The following ASAP2 variants were observed in gnomAD, a reference collection of about 807,000 sequenced individuals.
ASAP2 encodes the protein ArfGAP with SH3 domain, ankyrin repeat and PH domain 2.
Under a neutral mutation model 131.4 loss-of-function variants are expected in ASAP2, and 45 were observed. That is an observed-to-expected ratio of 0.34 (90% CI 0.27 to 0.44). ASAP2 has a LOEUF of 0.44. ASAP2 is among the 20% of genes least tolerant of loss of function. The probability of loss-of-function intolerance (pLI) is 1.00; values close to 1 mark genes in which losing one functional copy is unlikely to be tolerated. For missense variants in ASAP2, 1,011 were observed against 1,297.0 expected, an observed-to-expected ratio of 0.78 and a Z score of 3.39; for synonymous variants, 510 against 503.0, an observed-to-expected ratio of 1.01 and a Z score of -0.19.
intron 1 of ASAP2, among the ~76,000 whole-genome samples, chr2:9,234,670 C>T (rs1241078808): frequency 3.3e-5 from 5 of 152,040 alleles, no homozygotes; most frequent in Non-Finnish European, 5.9e-5. Context: ...GTAGGTAGAG[C>T]CAAGGTGAAG....
Position 9,387,515 on chromosome 2 carries a change from T to C in ASAP2, c.2131-779T>C, listed in dbSNP as rs538800238. On this transcript the variant is annotated intron_variant, in intron 21 of 27. Transcript: ENST00000281419. ...TGTTCATATGGGAGGAAAACATCGA[T>C]CTCTGCTGAATGAGCCATATAGCTG... Among the ~76,000 whole-genome samples, 106 of 152,242 alleles carry C rather than the reference T, an allele frequency of 7.0e-4. 2 individuals carry two copies. Among genetic ancestry groups the C allele is most frequent in the South Asian group, 4.6e-3 (22 of 4,818 alleles).
chr2:9,380,822 C>A lies in ASAP2; in HGVS notation c.2016+14C>A, dbSNP rs1451939769. The A allele has an allele frequency of 1.2e-6, 2 of 1,613,396 alleles. No individual in the cohort carries two copies. Among genetic ancestry groups the A allele is most frequent in the Middle Eastern group, 1.7e-4 (1 of 6,058 alleles). ...TGTGAGGAGCTGGTGAGTCTCCCAC[C>A]ACAAGGACGGGGTGGGGCACCTGTC... On this transcript the variant is annotated intron_variant, in intron 20 of 27. Coordinates refer to ENST00000281419, the MANE Select transcript of ASAP2 (RefSeq NM_003887.3).
intron 3 of ASAP2, among the ~76,000 whole-genome samples, chr2:9,308,337 T>G (rs1162128502): frequency 1.3e-5 from 2 of 152,036 alleles, no homozygotes; most frequent in Non-Finnish European, 2.9e-5. Context: ...ACTTTTAAAC[T>G]CACTTGCTAC....
chr2:9,390,938 A>C, intron 22 of ASAP2, 124 bp from the exon 23 acceptor site: 1 of 1,436,386 alleles, frequency 7.0e-7, no homozygotes, highest in Non-Finnish European at 9.6e-7. Flanking sequence ...TTCTAGGTAG[A>C]AGGGTCATAC....
chr2:9,250,027 T>TA (rs1664600974), intron 1 of ASAP2, among the ~76,000 whole-genome samples: 1 of 152,226 alleles, frequency 6.6e-6, no homozygotes, highest in Non-Finnish European at 1.5e-5. Flanking sequence ...TCCATTTTCT[T>TA]ACTTGGAATA....
chr2:9,323,071 T>TGAGTTCTGTGCCAACAGGCATC lies in ASAP2; in HGVS notation c.471-49_471-28dup, dbSNP rs751921173. ...TGGGGTGGCTTCAAGGCTGTCCCGT[T>TGAGTTCTGTGCCAACAGGCATC]GAGTTCTGTGCCAACAGGCATCTTG... On this transcript the variant is annotated intron_variant, in intron 5 of 27. Coordinates refer to ENST00000281419, the MANE Select transcript of ASAP2 (RefSeq NM_003887.3). 5.0e-6 allele frequency: 8 copies of TGAGTTCTGTGCCAACAGGCATC among 1,611,306 alleles called. No individual in the cohort carries two copies. The Admixed American group carries it at 5.0e-5, about 10-fold the overall frequency.
At chr2:9,367,370 C>T (rs779849719) in intron 15 of ASAP2, among the ~76,000 whole-genome samples, 3 of 152,096 alleles carry the variant, frequency 2.0e-5, no homozygotes, top group African/African-American at 2.4e-5. Flanking sequence ...ATATCACAAG[C>T]GTCACTGACT....
chr2:9,295,815 C>T (rs951778781), intron 2 of ASAP2, among the ~76,000 whole-genome samples: 1 of 152,126 alleles, frequency 6.6e-6, no homozygotes, highest in Non-Finnish European at 1.5e-5. Flanking sequence ...CTGCTAGATC[C>T]CCATTAGAAC....
At chr2:9,262,405 T>C (rs1297466894) in intron 1 of ASAP2, among the ~76,000 whole-genome samples, 1 of 152,188 alleles carries the variant, frequency 6.6e-6, no homozygotes, top group Non-Finnish European at 1.5e-5. Flanking sequence ...CTATTAGATA[T>C]TGAGTGCTGA....
At chr2:9,294,495 A>C (rs1322140643) in intron 2 of ASAP2, among the ~76,000 whole-genome samples, 1 of 152,102 alleles carries the variant, frequency 6.6e-6, no homozygotes, top group Non-Finnish European at 1.5e-5. Flanking sequence ...GTGGTCCATA[A>C]AGTGCACCGA....
chr2:9,386,922 C>T (rs1572610931), intron 21 of ASAP2, among the ~76,000 whole-genome samples: 1 of 152,262 alleles, frequency 6.6e-6, no homozygotes, highest in African/African-American at 2.4e-5. Context: ...AGCACATGAC[C>T]GGCCGAGCGC....
chr2:9,320,358 A>G, intron 5 of ASAP2, 21 bp downstream of exon 5: 1 of 1,595,110 alleles, frequency 6.3e-7, no homozygotes, highest in Non-Finnish European at 8.6e-7. Context: ...TCGTTTTTAA[A>G]TTTACGTATA....
At chr2:9,375,095 C>A (rs1472492619) in intron 17 of ASAP2, 151 bp downstream of exon 17, 2 of 460,778 alleles carry the variant, frequency 4.3e-6, no homozygotes, top group African/African-American at 4.4e-5. Context: ...CATAGGGAGG[C>A]CCCATCTCTA....
chr2:9,383,413 C>G (rs1675022328), intron 20 of ASAP2, among the ~76,000 whole-genome samples: 1 of 151,958 alleles, frequency 6.6e-6, no homozygotes, highest in African/African-American at 2.4e-5. Flanking sequence ...TGCCACCACG[C>G]CTGGCTAAAA....
chr2:9,323,079 G>C (rs776477930), intron 5 of ASAP2, 42 bp from the exon 6 acceptor site: 3 of 1,612,638 alleles, frequency 1.9e-6, no homozygotes, highest in Non-Finnish European at 2.5e-6. Flanking sequence ...GTTGAGTTCT[G>C]TGCCAACAGG....
intron 25 of ASAP2, 140 bp downstream of exon 25, chr2:9,400,212 T>TG (rs1676513135): frequency 1.5e-6 from 1 of 669,804 alleles, no homozygotes; most frequent in Non-Finnish European, 2.3e-6. Context: ...CCTCCCCTCC[T>TG]GCCCCCTCCC....
At chr2:9,280,902 C>T (rs1213919797) in intron 2 of ASAP2, among the ~76,000 whole-genome samples, 3 of 152,202 alleles carry the variant, frequency 2.0e-5, no homozygotes, top group Non-Finnish European at 4.4e-5. Flanking sequence ...GAGTAACCTG[C>T]AAATCAGAGA....
At position 9,374,740 on chromosome 2, in the gene ASAP2, T is replaced by TA; in HGVS notation, c.1557-14dup. ...AGCCCTTCATGATTTGCAAGGCAAT[T>TA]ACGTTTGGTTTCAGGAATGCAAGAA... On this transcript the variant is annotated splice_polypyrimidine_tract_variant and intron_variant, in intron 16 of 27. Coordinates refer to ENST00000281419, the MANE Select transcript of ASAP2 (RefSeq NM_003887.3). 2 of 1,575,194 alleles carry TA rather than the reference T, an allele frequency of 1.3e-6. No individual in the cohort carries two copies. Among genetic ancestry groups the TA allele is most frequent in the Non-Finnish European group, 1.7e-6 (2 of 1,161,186 alleles).
chr2:9,397,327 G>A (rs1676226345), intron 24 of ASAP2, among the ~76,000 whole-genome samples: 1 of 152,190 alleles, frequency 6.6e-6, no homozygotes. Flanking sequence ...GTTCTCAGAA[G>A]CGTTCTAGCT....
Sources: gnomAD v4.1 joint callset for allele counts (sites outside exome capture counted in the v4.1 genomes callset) on GRCh38, gnomAD v4.1.1 for gene constraint, MANE v1.5 for transcripts, NCBI Gene and HGNC (gene_info 2026-07-23, HGNC 2026-07-21) for gene names.